CACNA2D3: variants seen among roughly 807,000 people sequenced by gnomAD.
CACNA2D3 encodes the protein calcium voltage-gated channel auxiliary subunit alpha2delta 3, also known as voltage-dependent calcium channel subunit alpha-2/delta-3.
CACNA2D3 carries 60 observed loss-of-function variants against 160.6 expected under a neutral mutation model. The observed-to-expected ratio is 0.37, with a 90% CI of 0.30 to 0.46. CACNA2D3 has a LOEUF of 0.46. CACNA2D3 is among the 20% of genes least tolerant of loss of function. The pLI, the probability that CACNA2D3 is intolerant of heterozygous loss-of-function variation, is 1.00. For missense variants in CACNA2D3, 1,205 were observed against 1,365.0 expected, an observed-to-expected ratio of 0.88 and a Z score of 1.85; for synonymous variants, 558 against 492.9, an observed-to-expected ratio of 1.13 and a Z score of -1.75.
chr3:54,564,064 T>C (rs1313524416), intron 6 of CACNA2D3, among the ~76,000 whole-genome samples: 2 of 152,246 alleles, frequency 1.3e-5, no homozygotes, highest in Non-Finnish European at 2.9e-5. Context: ...TCTGCCTTGA[T>C]ACACTCAACA....
chr3:54,510,892 C>T (rs551383115), intron 5 of CACNA2D3, among the ~76,000 whole-genome samples: 36 of 152,276 alleles, frequency 2.4e-4, no homozygotes, highest in African/African-American at 7.5e-4. Context: ...GATGGGTTAC[C>T]GTCACTGTCC....
intron 2 of CACNA2D3, among the ~76,000 whole-genome samples, chr3:54,209,745 C>T (rs1701338726): frequency 6.6e-6 from 1 of 152,226 alleles, no homozygotes; most frequent in African/African-American, 2.4e-5. Flanking sequence ...TAATAGCCTC[C>T]TCCAGAGGAT....
At chr3:54,357,113 C>T (rs1294396841) in intron 3 of CACNA2D3, among the ~76,000 whole-genome samples, 1 of 152,142 alleles carries the variant, frequency 6.6e-6, no homozygotes, top group African/African-American at 2.4e-5. Flanking sequence ...AGGTTATTGA[C>T]ACCCTAGTCT....
At position 54,675,246 on chromosome 3, in the gene CACNA2D3, A is replaced by G. The variant is rs1435038187; in HGVS notation, c.1167+33005A>G. On this transcript the variant is annotated intron_variant, in intron 11 of 37. Coordinates refer to ENST00000474759, the MANE Select transcript of CACNA2D3 (RefSeq NM_018398.3). ...GAAGCAGAATTTTCCAAGGACAGAC[A>G]GACTTGGACAGCCAGATGGAGCATG... Among the ~76,000 whole-genome samples the G allele has an allele frequency of 3.3e-5, 5 of 152,168 alleles. No homozygotes were observed. In the East Asian group the frequency reaches 9.7e-4, roughly 29 times the overall value.
chr3:54,958,975 C>G (rs1701968395), intron 27 of CACNA2D3, among the ~76,000 whole-genome samples: 2 of 152,032 alleles, frequency 1.3e-5, no homozygotes, highest in Admixed American at 1.3e-4. Flanking sequence ...GTGGCACATG[C>G]CTGTAGTCCT....
At chr3:54,419,656 G>T (rs539546421) in intron 4 of CACNA2D3, among the ~76,000 whole-genome samples, 1 of 152,154 alleles carries the variant, frequency 6.6e-6, no homozygotes, top group Non-Finnish European at 1.5e-5. Flanking sequence ...CTCTAGGGCA[G>T]GTAGTCTGAG....
intron 35 of CACNA2D3, among the ~76,000 whole-genome samples, chr3:55,042,123 G>A (rs946671068): frequency 2.6e-4 from 40 of 152,178 alleles, no homozygotes; most frequent in African/African-American, 9.6e-4. Context: ...TGTATATTTG[G>A]TAGTTGTTAG....
intron 27 of CACNA2D3, among the ~76,000 whole-genome samples, chr3:54,930,246 C>T (rs1254533065): frequency 6.6e-6 from 1 of 152,146 alleles, no homozygotes; most frequent in Non-Finnish European, 1.5e-5. Flanking sequence ...TGTCACCCAC[C>T]CTCAACTCCC....
At chr3:54,800,707 G>T (rs1450893997) in intron 13 of CACNA2D3, among the ~76,000 whole-genome samples, 1 of 152,134 alleles carries the variant, frequency 6.6e-6, no homozygotes, top group East Asian at 1.9e-4. Flanking sequence ...ATTTATGCAG[G>T]CTTGCCTTTC....
At chr3:54,711,991 T>TAG (rs1700961786) in intron 11 of CACNA2D3, among the ~76,000 whole-genome samples, 1 of 152,060 alleles carries the variant, frequency 6.6e-6, no homozygotes, top group Non-Finnish European at 1.5e-5. Flanking sequence ...ATAGAGACAA[T>TAG]TTTGAGTAGG....
chr3:54,281,415 AG>A (rs1338947262), intron 2 of CACNA2D3, among the ~76,000 whole-genome samples: 1 of 152,088 alleles, frequency 6.6e-6, no homozygotes, highest in Non-Finnish European at 1.5e-5. Flanking sequence ...CTAGGTATAG[AG>A]GCCTGGTGAA....
chr3:54,333,112 G>C (rs1000213694), intron 3 of CACNA2D3, among the ~76,000 whole-genome samples: 1 of 152,128 alleles, frequency 6.6e-6, no homozygotes, highest in Non-Finnish European at 1.5e-5. Flanking sequence ...AGGGTTTGGA[G>C]AGGAGAGAGC....
At chr3:54,631,999 T>C (rs1457660833) in intron 10 of CACNA2D3, 2 of 152,264 alleles carry the variant, frequency 1.3e-5, no homozygotes, top group Non-Finnish European at 2.9e-5. Context: ...TGCTAACTGA[T>C]GAATCACTGA....
chr3:54,651,425 G>GAA (rs34876732), intron 11 of CACNA2D3, among the ~76,000 whole-genome samples: 1 of 135,046 alleles, frequency 7.4e-6, no homozygotes, highest in South Asian at 2.4e-4. Flanking sequence ...GTTATCTCGA[G>GAA]AAAAAAAAAA....
chr3:54,287,599 C>G (rs1257783445), intron 2 of CACNA2D3, among the ~76,000 whole-genome samples: 2 of 144,436 alleles, frequency 1.4e-5, no homozygotes, highest in Non-Finnish European at 3.0e-5. Flanking sequence ...ACAGAACTCT[C>G]CACCCCAAAT....
intron 18 of CACNA2D3, 98 bp downstream of exon 18, chr3:54,871,720 AAGG>A: frequency 1.2e-6 from 1 of 846,148 alleles, no homozygotes; most frequent in Non-Finnish European, 1.9e-6. Context: ...AGGCCCACTG[AAGG>A]GACACCTGGC....
chr3:54,189,164 C>G (rs1307983537), intron 2 of CACNA2D3, among the ~76,000 whole-genome samples: 1 of 152,232 alleles, frequency 6.6e-6, no homozygotes, highest in Non-Finnish European at 1.5e-5. Context: ...CTTTTCATTT[C>G]TACTTGGCCA....
intron 13 of CACNA2D3, among the ~76,000 whole-genome samples, chr3:54,812,863 A>T (rs1264570688): frequency 6.6e-6 from 1 of 152,232 alleles, no homozygotes; most frequent in East Asian, 1.9e-4. Flanking sequence ...GTAAACTGAG[A>T]AGATACTAAT....
chr3:54,680,983 T>C, intron 11 of CACNA2D3, among the ~76,000 whole-genome samples: 1 of 152,130 alleles, frequency 6.6e-6, no homozygotes, highest in Admixed American at 6.5e-5. Flanking sequence ...GGAATGTTGA[T>C]TCTAAGTGTG....
Sources: gnomAD v4.1 joint callset for allele counts (sites outside exome capture counted in the v4.1 genomes callset) on GRCh38, gnomAD v4.1.1 for gene constraint, MANE v1.5 for transcripts, NCBI Gene and HGNC (gene_info 2026-07-23, HGNC 2026-07-21) for gene names.